The following CCDC192 variants were observed in gnomAD, a reference collection of about 807,000 sequenced individuals.
CCDC192 encodes the protein coiled-coil domain-containing protein 192.
intron 3 of CCDC192, among the ~76,000 whole-genome samples, chr5:127,791,056 A>G (rs188560205): frequency 8.4e-4 from 128 of 152,344 alleles, no homozygotes; most frequent in Middle Eastern, 3.4e-3. Context: ...CTGATATTCT[A>G]CATATGATAC....
intron 3 of CCDC192, chr5:127,784,660 A>T: frequency 1.4e-6 from 1 of 729,680 alleles, no homozygotes; most frequent in Non-Finnish European, 2.3e-6. Flanking sequence ...AACTTGCTCC[A>T]AATATTCTTT....
At chr5:127,939,162 GGCTGGAATGCTGTGGCACAATCTCA>G (rs1363379581) in intron 6 of CCDC192, among the ~76,000 whole-genome samples, 39 of 119,354 alleles carry the variant, frequency 3.3e-4, no homozygotes, top group Admixed American at 2.4e-3. Context: ...CTGTCGCCCA[GGCTGGAATGCTGTGGCACAATCTCA>G]GCTCAATGCA....
chr5:127,775,949 G>A (rs1755832932), intron 3 of CCDC192, among the ~76,000 whole-genome samples: 1 of 152,186 alleles, frequency 6.6e-6, no homozygotes, highest in Non-Finnish European at 1.5e-5. Flanking sequence ...GGAATTGTGA[G>A]TCCATGAAAC....
chr5:127,844,289 C>A (rs915454786), intron 5 of CCDC192, among the ~76,000 whole-genome samples: 5 of 152,168 alleles, frequency 3.3e-5, no homozygotes, highest in African/African-American at 1.2e-4. Context: ...TCATTTCATC[C>A]CTGTTTGCCT....
At chr5:127,886,794 C>T (rs1215979588) in intron 6 of CCDC192, among the ~76,000 whole-genome samples, 1 of 152,100 alleles carries the variant, frequency 6.6e-6, no homozygotes, top group Non-Finnish European at 1.5e-5. Flanking sequence ...ACCTTAACCC[C>T]TGTGTTGTTC....
intron 5 of CCDC192, among the ~76,000 whole-genome samples, chr5:127,825,018 G>A (rs115759916): frequency 0.022 from 3,368 of 152,260 alleles, 135 homozygotes; most frequent in African/African-American, 0.078. Flanking sequence ...AAACTGGAAT[G>A]CCACAATAGC....
intron 5 of CCDC192, among the ~76,000 whole-genome samples, chr5:127,817,619 G>A (rs10064256): frequency 1.3e-5 from 2 of 151,960 alleles, no homozygotes; most frequent in African/African-American, 4.8e-5. Flanking sequence ...GGGGTGAGAT[G>A]GATAAGGAGT....
In CCDC192 at chr5:127,890,453, T is replaced by TA. The variant is rs35655743; in HGVS notation, c.535+14809dup. The stretch of plus-strand genomic sequence containing the variant: ...GAATGGCAGTGAGAGACCCTGTATT[T>TA]AAAAAAAAAAAAAAAAAGGCTTAGG... On this transcript the variant is annotated intron_variant, in intron 6 of 6. Coordinates refer to ENST00000514853, the MANE Select transcript of CCDC192 (RefSeq NM_001317938.2). 2.9e-3 allele frequency among the ~76,000 whole-genome samples: 398 copies of TA among 135,946 alleles called. 3 individuals carry two copies. Among genetic ancestry groups the TA allele is most frequent in the East Asian group, 0.016 (77 of 4,706 alleles). The allele number at this position is 135,946 out of a possible 152,430, so 89.2% of individuals were successfully genotyped here.
intron 2 of CCDC192, among the ~76,000 whole-genome samples, chr5:127,730,251 G>T: frequency 6.6e-6 from 1 of 152,104 alleles, no homozygotes; most frequent in Non-Finnish European, 1.5e-5. Flanking sequence ...ACACCTCTAT[G>T]CAAATAAACT....
chr5:127,884,920 A>G (rs1470546020), intron 6 of CCDC192, among the ~76,000 whole-genome samples: 1 of 152,068 alleles, frequency 6.6e-6, no homozygotes, highest in African/African-American at 2.4e-5. Flanking sequence ...TAATTAACAA[A>G]GGGCAAAAAG....
At chr5:127,877,081 A>G (rs570518699) in intron 6 of CCDC192, among the ~76,000 whole-genome samples, 1 of 152,358 alleles carries the variant, frequency 6.6e-6, no homozygotes, top group South Asian at 2.1e-4. Context: ...CATTGGAGAA[A>G]GTTCCCCAGC....
chr5:127,709,710 A>T (rs1332798073), intron 2 of CCDC192, among the ~76,000 whole-genome samples: 1 of 152,204 alleles, frequency 6.6e-6, no homozygotes, highest in East Asian at 1.9e-4. Flanking sequence ...CTCTAGTGAT[A>T]ATTTAATCTT....
intron 5 of CCDC192, chr5:127,857,656 T>C (rs245187): frequency 0.7 from 106,771 of 152,036 alleles, 37,633 homozygotes; most frequent in African/African-American, 0.76. Context: ...TAGGGCTGGC[T>C]GGTAAAGTGG....
At chr5:127,935,319 A>G (rs1319504734) in intron 6 of CCDC192, 1 of 152,240 alleles carries the variant, frequency 6.6e-6, no homozygotes, top group Non-Finnish European at 1.5e-5. Context: ...CTGGCTAGCA[A>G]CAAGTATATT....
chr5:127,812,089 A>T lies in CCDC192; in HGVS notation c.411+13927A>T, dbSNP rs560180189. ...TAATTTCCACGACTGCAAAATGGGGATACTAAATGTATCTAGCTCACCGAT... is the reference window on the plus strand; with the variant it reads ...TAATTTCCACGACTGCAAAATGGGGTTACTAAATGTATCTAGCTCACCGAT... On this transcript the variant is annotated intron_variant, in intron 5 of 6. Coordinates refer to ENST00000514853, the MANE Select transcript of CCDC192 (RefSeq NM_001317938.2). Among the ~76,000 whole-genome samples the T allele has an allele frequency of 1.1e-4, 17 of 152,310 alleles. 1 individual carries two copies. In the South Asian group the frequency reaches 3.3e-3, roughly 30 times the overall value.
At chr5:127,931,441 A>G (rs1754027567) in intron 6 of CCDC192, among the ~76,000 whole-genome samples, 2 of 152,186 alleles carry the variant, frequency 1.3e-5, no homozygotes, top group Admixed American at 1.3e-4. Context: ...ATCAGCTAGT[A>G]ACATTTAAAG....
At chr5:127,778,464 C>T (rs761565689) in intron 3 of CCDC192, among the ~76,000 whole-genome samples, 1 of 152,152 alleles carries the variant, frequency 6.6e-6, no homozygotes, top group Non-Finnish European at 1.5e-5. Flanking sequence ...AGATTAATCC[C>T]ACTTGGTCAT....
chr5:127,861,356 A>G (rs894125617), intron 5 of CCDC192, among the ~76,000 whole-genome samples: 4 of 150,696 alleles, frequency 2.7e-5, no homozygotes, highest in Non-Finnish European at 4.4e-5. Context: ...TTTAAGCTAA[A>G]AAAAAAAAAA....
intron 1 of CCDC192, among the ~76,000 whole-genome samples, chr5:127,704,704 C>T (rs1422261897): frequency 6.6e-6 from 1 of 152,028 alleles, no homozygotes; most frequent in African/African-American, 2.4e-5. Context: ...TTTATTAAAG[C>T]TAATGAAATT....
Sources: allele counts gnomAD v4.1 joint callset (sites outside exome capture counted in the v4.1 genomes callset), GRCh38; gene constraint gnomAD v4.1.1; transcripts MANE v1.5; gene names NCBI Gene and HGNC (gene_info 2026-07-23, HGNC 2026-07-21).